The following GALNT5 variants were observed in gnomAD, a reference collection of about 807,000 sequenced individuals.
GALNT5 encodes the protein polypeptide N-acetylgalactosaminyltransferase 5.
In GALNT5, 72 loss-of-function variants were observed where a neutral mutation model predicts 85.4. The observed-to-expected ratio is 0.84, with a 90% confidence interval of 0.70 to 1.03. GALNT5 has a LOEUF of 1.03. GALNT5 is among the 50% of genes least tolerant of loss of function. The pLI, the probability that GALNT5 is intolerant of heterozygous loss-of-function variation, is 0.00. For synonymous variants in GALNT5, 404 were observed against 397.0 expected, an observed-to-expected ratio of 1.02 and a Z score of -0.21; for missense variants, 1,137 against 1,135.5, an observed-to-expected ratio of 1.00 and a Z score of -0.02.
chr2:157,286,910 G>GTT (rs2105145878), intron 3 of GALNT5, among the ~76,000 whole-genome samples: 1 of 150,298 alleles, frequency 6.7e-6, no homozygotes, highest in Non-Finnish European at 1.5e-5. Context: ...GTGTGTGTGT[G>GTT]TGTGTGTGTG....
chr2:157,269,132 C>T (rs958148159), intron 1 of GALNT5, among the ~76,000 whole-genome samples: 1 of 152,210 alleles, frequency 6.6e-6, no homozygotes, highest in Non-Finnish European at 1.5e-5. Context: ...TACCCTATTA[C>T]ATTAGCAAGT....
At chr2:157,280,799 T>G (rs1182115858) in intron 1 of GALNT5, among the ~76,000 whole-genome samples, 1 of 152,156 alleles carries the variant, frequency 6.6e-6, no homozygotes, top group Non-Finnish European at 1.5e-5. Flanking sequence ...TGCCATCCCC[T>G]TGGTGATATG....
At position 157,259,555 on chromosome 2, in the gene GALNT5, C is replaced by A; in HGVS notation, c.1454+19C>A. ...CTGCTGGGTAAGACCTATTTCTCTTCTCTTTCCTCAACCCCAAGTGCTTTG... is the reference window on the plus strand; with the variant it reads ...CTGCTGGGTAAGACCTATTTCTCTTATCTTTCCTCAACCCCAAGTGCTTTG... On this transcript the variant is annotated intron_variant, in intron 1 of 9. Transcript: ENST00000259056. The A allele has an allele frequency of 7.6e-7, 1 of 1,315,262 alleles. No homozygotes were observed. The highest frequency in any genetic ancestry group is 3.1e-5 in the South Asian group (1 of 31,820). 81.5% of individuals were successfully genotyped at this position (1,315,262 alleles called of 1,614,324 possible). A position where few individuals can be genotyped will look rare whatever the true frequency, so the allele number is the denominator to read the frequency against.
intron 7 of GALNT5, 54 bp downstream of exon 7, chr2:157,301,053 C>A: frequency 1.6e-6 from 2 of 1,288,002 alleles, no homozygotes; most frequent in Non-Finnish European, 2.2e-6. Context: ...AACACAAAAT[C>A]TCTTTCAAAA....
At chr2:157,272,908 G>T (rs1682622243) in intron 1 of GALNT5, among the ~76,000 whole-genome samples, 1 of 152,138 alleles carries the variant, frequency 6.6e-6, no homozygotes, top group Admixed American at 6.5e-5. Context: ...GTAGTTCTGT[G>T]TTAAGTTCTT....
At position 157,300,885 on chromosome 2, in the gene GALNT5, C is replaced by G; in HGVS notation, c.2325C>G (p.Gly775=). Reference sequence around the variant, plus strand: ...TCATCGACCAAGGGCTAGATGTTGGCAACCTCACCCAGCAAAGGGAGCTGC... The same window carrying G: ...TCATCGACCAAGGGCTAGATGTTGGGAACCTCACCCAGCAAAGGGAGCTGC... The part of the protein sequence containing the change: ...DHLIDQGLDV[G]NLTQQRELRK... Residue 775 remains glycine (G), a synonymous_variant, in exon 7 of 10, where the codon GGC becomes GGG. Transcript: ENST00000259056. 1 of 1,613,778 alleles carries G rather than the reference C, an allele frequency of 6.2e-7. No individual in the cohort carries two copies. The highest frequency in any genetic ancestry group is 8.5e-7 in the Non-Finnish European group (1 of 1,179,702).
At chr2:157,273,067 C>T (rs1401598632) in intron 1 of GALNT5, among the ~76,000 whole-genome samples, 1 of 152,104 alleles carries the variant, frequency 6.6e-6, no homozygotes, top group East Asian at 1.9e-4. Flanking sequence ...AACTGCCATT[C>T]TAACTGGTAT....
In GALNT5 at chr2:157,300,718, C is replaced by T. The variant is rs1452487547; in HGVS notation, c.2158C>T (p.Arg720Ter). 6.8e-6 allele frequency: 11 copies of T among 1,613,822 alleles called. No individual in the cohort carries two copies. The highest frequency in any genetic ancestry group is 4.0e-5 in the African/African-American group (3 of 75,006). Residue 720 changes from arginine (R) to a stop codon, truncating the protein, a stop_gained, in exon 7 of 10, where the codon CGA becomes TGA. Transcript: ENST00000259056. LOFTEE classifies it high-confidence loss of function. ...TGAAATTGAGATCATTCCCTGCTCCCGAGTGGGCCATATATTCAGAAATGA... is the reference window on the plus strand; with the variant it reads ...TGAAATTGAGATCATTCCCTGCTCCTGAGTGGGCCATATATTCAGAAATGA... ...GGEIEIIPCS[R>*]VGHIFRNDNP...
At chr2:157,294,780 CACACCACA>C (rs1683175539) in intron 3 of GALNT5, among the ~76,000 whole-genome samples, 1 of 74,888 alleles carries the variant, frequency 1.3e-5, no homozygotes, top group African/African-American at 4.5e-5. Flanking sequence ...CACATCACAT[CACACCACA>C]CACACACACA....
Position 157,300,836 on chromosome 2 carries a change from T to C in GALNT5, c.2276T>C (p.Leu759Pro), listed in dbSNP as rs778513075. 6.2e-7 allele frequency: 1 copy of C among 1,614,066 alleles called. No individual in the cohort carries two copies. Among genetic ancestry groups the C allele is most frequent in the Non-Finnish European group, 8.5e-7 (1 of 1,179,984 alleles). ...AEVWLDEYKE[L>P]FYGHGDHLID... ...GTCTGGCTGGATGAGTATAAGGAGC[T>C]GTTCTATGGCCACGGAGACCACCTC... is the stretch of plus-strand genomic sequence containing the variant. Residue 759 changes from leucine (L) to proline (P), a missense_variant, in exon 7 of 10, where the codon CTG (leucine) becomes CCG (proline). Physicochemically the swap from Leu to Pro is moderately conservative, Grantham distance 98. Transcript: ENST00000259056.
intron 1 of GALNT5, among the ~76,000 whole-genome samples, chr2:157,281,779 T>C (rs573118413): frequency 3.9e-5 from 6 of 152,164 alleles, no homozygotes; most frequent in Non-Finnish European, 7.3e-5. Flanking sequence ...CCGTGTTACA[T>C]AGTGGCAGTG....
chr2:157,263,894 T>C (rs535965995), intron 1 of GALNT5, among the ~76,000 whole-genome samples: 2 of 152,196 alleles, frequency 1.3e-5, no homozygotes, highest in African/African-American at 2.4e-5. Context: ...TTTGTGTTTA[T>C]CCCTTATTTT....
Position 157,314,507 on chromosome 2 carries a change from T to C in GALNT5, c.*3159T>C, listed in dbSNP as rs917376650. Among the ~76,000 whole-genome samples, 35 of 152,202 alleles carry C rather than the reference T, an allele frequency of 2.3e-4. No homozygotes were observed. The highest frequency in any genetic ancestry group is 8.4e-4 in the African/African-American group (35 of 41,456). On this transcript the variant is annotated 3_prime_UTR_variant, in exon 10 of 10. Coordinates refer to ENST00000259056, the MANE Select transcript of GALNT5 (RefSeq NM_014568.3). ...CACAGCAAACCACCATGTGCCATGA[T>C]CACAATGTATTATTAGCTTCGCCAC... is the stretch of plus-strand genomic sequence containing the variant.
chr2:157,279,873 A>G (rs762602078), intron 1 of GALNT5, among the ~76,000 whole-genome samples: 3 of 152,218 alleles, frequency 2.0e-5, no homozygotes, highest in Non-Finnish European at 4.4e-5. Context: ...CTCAGTTGGA[A>G]ATGCAGAAAT....
intron 3 of GALNT5, among the ~76,000 whole-genome samples, chr2:157,290,112 T>TATATATATATATATATATATATATACAC (rs1416458086): frequency 1.3e-4 from 18 of 138,234 alleles, no homozygotes; most frequent in African/African-American, 4.6e-4. Flanking sequence ...TATATATATA[T>TATATATATATATATATATATATATACAC]ACATACACAA....
intron 3 of GALNT5, among the ~76,000 whole-genome samples, chr2:157,290,611 G>C (rs1382669646): frequency 1.3e-5 from 2 of 151,998 alleles, no homozygotes; most frequent in Non-Finnish European, 2.9e-5. Flanking sequence ...TTTTCTCTAG[G>C]ATGCCTCGCC....
At chr2:157,308,177 T>C (rs2105170662) in intron 8 of GALNT5, among the ~76,000 whole-genome samples, 1 of 152,298 alleles carries the variant, frequency 6.6e-6, no homozygotes, top group Non-Finnish European at 1.5e-5. Context: ...AGACTGAACA[T>C]TCCAATTCTT....
intron 1 of GALNT5, among the ~76,000 whole-genome samples, chr2:157,279,218 C>A (rs1682804413): frequency 6.6e-6 from 1 of 152,178 alleles, no homozygotes; most frequent in African/African-American, 2.4e-5. Flanking sequence ...GGGCACCCGC[C>A]TATATGAGGT....
chr2:157,265,037 A>G (rs895271763), intron 1 of GALNT5, among the ~76,000 whole-genome samples: 1 of 152,176 alleles, frequency 6.6e-6, no homozygotes, highest in Non-Finnish European at 1.5e-5. Flanking sequence ...CATGAGATGA[A>G]TTCAAAAGGA....
Sources: gnomAD v4.1 joint callset for allele counts (sites outside exome capture counted in the v4.1 genomes callset) on GRCh38, gnomAD v4.1.1 for gene constraint, MANE v1.5 for transcripts, NCBI Gene and HGNC (gene_info 2026-07-23, HGNC 2026-07-21) for gene names.